Variants in PRDM16 observed in about 807,000 individuals in gnomAD.
The protein encoded by PRDM16 is histone-lysine N-methyltransferase PRDM16.
A neutral mutation model predicts 110.6 loss-of-function variants in PRDM16; 23 were observed. The observed-to-expected ratio is 0.21, with a 90% CI of 0.15 to 0.29. The LOEUF is 0.29. Among genes scored for constraint, PRDM16 ranks in the 10% least tolerant of loss-of-function variants. The pLI is 1.00. For missense variants in PRDM16, 1,615 were observed against 1,794.3 expected, an observed-to-expected ratio of 0.90 and a Z score of 1.81; for synonymous variants, 799 against 781.8, an observed-to-expected ratio of 1.02 and a Z score of -0.37.
intron 1 of PRDM16, among the ~76,000 whole-genome samples, chr1:3,097,219 C>CA (rs34727240): frequency 0.57 from 85,937 of 151,802 alleles, 25,939 homozygotes; most frequent in African/African-American, 0.77. Flanking sequence ...CAGCTGTGTA[C>CA]AAAAGTTTTG....
intron 2 of PRDM16, among the ~76,000 whole-genome samples, chr1:3,223,990 A>G (rs1475963310): frequency 2.6e-5 from 4 of 152,208 alleles, no homozygotes. Context: ...AATTTTATAT[A>G]TAATAGGAAA....
rs1638883426 is a variant in PRDM16, at chr1:3,435,546, A to G, written c.*1735A>G. ...TTTCTTGTATTGTTTGGAAGAAAAAATGATGATAGAGTCCCAAAAAGAAGA... is the reference window on the plus strand; with the variant it reads ...TTTCTTGTATTGTTTGGAAGAAAAAGTGATGATAGAGTCCCAAAAAGAAGA... On this transcript the variant is annotated 3_prime_UTR_variant, in exon 17 of 17. Coordinates refer to ENST00000270722, the MANE Select transcript of PRDM16 (RefSeq NM_022114.4). The G allele has an allele frequency of 4.3e-6, 1 of 232,360 alleles. No homozygotes were observed. The highest frequency in any genetic ancestry group is 6.1e-5 in the East Asian group (1 of 16,466). 14.4% of individuals were successfully genotyped at this position (232,360 alleles called of 1,614,324 possible). A position where few individuals can be genotyped will look rare whatever the true frequency, so the allele number is the denominator to read the frequency against.
chr1:3,215,036 A>C (rs2100854301), intron 2 of PRDM16, among the ~76,000 whole-genome samples: 1 of 152,226 alleles, frequency 6.6e-6, no homozygotes, highest in East Asian at 1.9e-4. Context: ...TCAGCTGATC[A>C]AGGTATTTTT....
intron 2 of PRDM16, among the ~76,000 whole-genome samples, chr1:3,205,120 G>C (rs1471727980): frequency 6.6e-6 from 1 of 151,932 alleles, no homozygotes; most frequent in Admixed American, 6.6e-5. Flanking sequence ...ACTTTTGTTT[G>C]GTGGGGGCGG....
intron 1 of PRDM16, among the ~76,000 whole-genome samples, chr1:3,086,278 C>G (rs1642149139): frequency 6.6e-6 from 1 of 152,098 alleles, no homozygotes; most frequent in South Asian, 2.1e-4. Context: ...CTGGCTCTGC[C>G]CTGGGCGCAC....
At position 3,359,431 on chromosome 1, in the gene PRDM16, C is replaced by T. The variant is rs1570131175; in HGVS notation, c.439-25721C>T. 2.0e-5 allele frequency among the ~76,000 whole-genome samples: 3 copies of T among 152,238 alleles called. No individual in the cohort carries two copies. Among genetic ancestry groups the T allele is most frequent in the Middle Eastern group, 6.8e-3 (2 of 292 alleles). ...CCCTGCACATGGAACACATTGGAAG[C>T]CCTTGTCGGGTGCCACCTTCTAAGT... is the stretch of plus-strand genomic sequence containing the variant. On this transcript the variant is annotated intron_variant, in intron 3 of 16. Transcript: ENST00000270722. The surrounding 1 kb of genome is among the most constrained non-coding windows in gnomAD (Gnocchi z 4.3).
intron 2 of PRDM16, among the ~76,000 whole-genome samples, chr1:3,212,653 C>T (rs375115979): frequency 0.019 from 2,601 of 138,732 alleles, 46 homozygotes; most frequent in East Asian, 0.074. Context: ...CCCCTCGCTG[C>T]GGTCCTCCCG....
intron 1 of PRDM16, among the ~76,000 whole-genome samples, chr1:3,074,763 C>T (rs868435926): frequency 7.2e-5 from 11 of 152,326 alleles, no homozygotes; most frequent in Middle Eastern, 6.8e-3. Flanking sequence ...CCCTTTGCCA[C>T]CCCTCAGATC....
chr1:3,212,585 AGGCCCCCGCTCATCCTCCC>A (rs1638912975), intron 2 of PRDM16, among the ~76,000 whole-genome samples: 1 of 78,486 alleles, frequency 1.3e-5, no homozygotes, highest in East Asian at 3.8e-4. Context: ...GGTGGAATGG[AGGCCCCCGCTCATCCTCCC>A]GGCCCCCTCG....
At chr1:3,114,177 ACACACACGCACACACGCACACGCACG>A (rs1381936028) in intron 1 of PRDM16, among the ~76,000 whole-genome samples, 2 of 99,844 alleles carry the variant, frequency 2.0e-5, no homozygotes, top group African/African-American at 9.5e-5. Context: ...ACACACACGC[ACACACACGCACACACGCACACGCACG>A]CACACACGCA....
At position 3,380,253 on chromosome 1, in the gene PRDM16, C is replaced by G. The variant is rs928782265; in HGVS notation, c.439-4899C>G. ...GAGGAAGGGTTAGCGCCCACCTGGC[C>G]CCCCTCAGAGGTGCCCCTCTGTGGA... On this transcript the variant is annotated intron_variant, in intron 3 of 16. Coordinates refer to ENST00000270722, the MANE Select transcript of PRDM16 (RefSeq NM_022114.4). 1.2e-3 allele frequency among the ~76,000 whole-genome samples: 183 copies of G among 151,898 alleles called. 1 individual carries two copies. Among genetic ancestry groups the G allele is most frequent in the African/African-American group, 4.2e-3 (175 of 41,450 alleles).
At chr1:3,092,869 G>A (rs1642309321) in intron 1 of PRDM16, among the ~76,000 whole-genome samples, 1 of 152,180 alleles carries the variant, frequency 6.6e-6, no homozygotes, top group Non-Finnish European at 1.5e-5. Context: ...CAAAGGGGAA[G>A]ATTTGCAGCT....
At chr1:3,098,634 AC>A (rs1345007461) in intron 1 of PRDM16, among the ~76,000 whole-genome samples, 1 of 152,024 alleles carries the variant, frequency 6.6e-6, no homozygotes, top group Non-Finnish European at 1.5e-5. Context: ...ACTGCACTGG[AC>A]CCCCGCCTTC....
chr1:3,140,428 A>G (rs1643526974), intron 1 of PRDM16, among the ~76,000 whole-genome samples: 1 of 151,882 alleles, frequency 6.6e-6, no homozygotes, highest in South Asian at 2.1e-4. Flanking sequence ...TGCCTCCGAG[A>G]AGGGACAGGT....
chr1:3,205,310 G>A (rs917477716), intron 2 of PRDM16, among the ~76,000 whole-genome samples: 3 of 152,108 alleles, frequency 2.0e-5, no homozygotes, highest in African/African-American at 7.2e-5. Context: ...CACCCACCCC[G>A]CCGGGGAGAC....
At chr1:3,223,586 T>C (rs540121208) in intron 2 of PRDM16, among the ~76,000 whole-genome samples, 1 of 152,326 alleles carries the variant, frequency 6.6e-6, no homozygotes, top group African/African-American at 2.4e-5. Context: ...TTCTTTTTCT[T>C]GAGCTCAAAC....
intron 1 of PRDM16, among the ~76,000 whole-genome samples, chr1:3,153,905 C>A (rs555950367): frequency 6.6e-6 from 1 of 152,222 alleles, no homozygotes; most frequent in East Asian, 1.9e-4. Flanking sequence ...TGCATATCTA[C>A]GTAGAGATCC....
chr1:3,324,148 G>A (rs1455430285), intron 3 of PRDM16, among the ~76,000 whole-genome samples: 1 of 151,848 alleles, frequency 6.6e-6, no homozygotes, highest in East Asian at 1.9e-4. Flanking sequence ...AGGGAGCATG[G>A]GGCCTCCAGG....
At chr1:3,344,855 G>T (rs1642332707) in intron 3 of PRDM16, among the ~76,000 whole-genome samples, 1 of 152,250 alleles carries the variant, frequency 6.6e-6, no homozygotes, top group Non-Finnish European at 1.5e-5. Flanking sequence ...GCTCTTCTAA[G>T]TTGATGGGAC....
Sources: gnomAD v4.1 joint callset for allele counts (sites outside exome capture counted in the v4.1 genomes callset) on GRCh38, gnomAD v4.1.1 for gene constraint, Gnocchi (gnomAD v3.1) non-coding constraint, MANE v1.5 for transcripts, NCBI Gene and HGNC (gene_info 2026-07-23, HGNC 2026-07-21) for gene names.